FRAS1: variants seen among roughly 807,000 people sequenced by gnomAD.
The protein encoded by FRAS1 is extracellular matrix organizing protein FRAS1.
Under a neutral mutation model 435.2 loss-of-function variants are expected in FRAS1, and 290 were observed. That is an observed-to-expected ratio of 0.67 (90% confidence interval 0.61 to 0.73). FRAS1 has a LOEUF of 0.73. Among genes scored for constraint, FRAS1 ranks in the 30% least tolerant of loss-of-function variants. The pLI is 0.00. For missense variants in FRAS1, 4,860 were observed against 5,001.5 expected, an observed-to-expected ratio of 0.97 and a Z score of 0.85; for synonymous variants, 1,800 against 1,851.0, an observed-to-expected ratio of 0.97 and a Z score of 0.71.
intron 2 of FRAS1, among the ~76,000 whole-genome samples, chr4:78,174,576 C>T (rs1052592164): frequency 6.6e-6 from 1 of 152,246 alleles, no homozygotes. Flanking sequence ...TGCACTCACT[C>T]AGCTCTCTCA....
intron 71 of FRAS1, among the ~76,000 whole-genome samples, chr4:78,536,724 C>T (rs1318408485): frequency 6.6e-6 from 1 of 152,088 alleles, no homozygotes; most frequent in Non-Finnish European, 1.5e-5. Context: ...TAACAGAATA[C>T]TTTGCTTCCC....
chr4:78,386,331 A>G (rs1473156188), intron 28 of FRAS1, among the ~76,000 whole-genome samples: 1 of 152,036 alleles, frequency 6.6e-6, no homozygotes, highest in Non-Finnish European at 1.5e-5. Flanking sequence ...CCATTTGTGA[A>G]TTTTGACATC....
At position 78,181,829 on chromosome 4, in the gene FRAS1, T is replaced by C. The variant is rs1722017835; in HGVS notation, c.109-55681T>C. The C allele has an allele frequency of 2.5e-6, 4 of 1,611,986 alleles. No individual in the cohort carries two copies. In the Admixed American group the frequency reaches 5.0e-5, roughly 20 times the overall value. ...CGGGTTCTTGCGGTCTTTCTGGGACTCCTTGCGCAGCTGTTTGCCTGCCGC... is the reference window on the plus strand; with the variant it reads ...CGGGTTCTTGCGGTCTTTCTGGGACCCCTTGCGCAGCTGTTTGCCTGCCGC... On this transcript the variant is annotated intron_variant, in intron 2 of 73. Transcript: ENST00000512123.
chr4:78,254,145 A>T (rs1725680926), intron 5 of FRAS1, among the ~76,000 whole-genome samples: 1 of 151,968 alleles, frequency 6.6e-6, no homozygotes, highest in African/African-American at 2.4e-5. Context: ...GCTTGTTCCC[A>T]TACTCTTTTT....
chr4:78,215,848 A>G, intron 2 of FRAS1, among the ~76,000 whole-genome samples: 1 of 152,202 alleles, frequency 6.6e-6, no homozygotes, highest in African/African-American at 2.4e-5. Context: ...TTATCCATTC[A>G]TCTGTCGACA....
chr4:78,087,008 C>G (rs62307981), intron 2 of FRAS1, among the ~76,000 whole-genome samples: 1 of 152,114 alleles, frequency 6.6e-6, no homozygotes. Context: ...TGATGAACAT[C>G]GAAGCAAAAA....
At chr4:78,328,994 T>C (rs1438828792) in intron 18 of FRAS1, among the ~76,000 whole-genome samples, 2 of 152,112 alleles carry the variant, frequency 1.3e-5, no homozygotes, top group Non-Finnish European at 2.9e-5. Context: ...ACCCAGAACT[T>C]TGGAAATTGG....
At chr4:78,367,404 G>C (rs1319625912) in intron 22 of FRAS1, among the ~76,000 whole-genome samples, 2 of 119,136 alleles carry the variant, frequency 1.7e-5, no homozygotes, top group East Asian at 5.6e-4. Flanking sequence ...AGTGAGAACT[G>C]TCTCAAAAAA....
chr4:78,231,240 C>T (rs533668173), intron 2 of FRAS1, among the ~76,000 whole-genome samples: 9 of 151,940 alleles, frequency 5.9e-5, no homozygotes, highest in Admixed American at 3.3e-4. Context: ...CAGGCGTGAG[C>T]CACTGTGCCT....
chr4:78,434,015 G>C (rs1202193923), intron 38 of FRAS1, among the ~76,000 whole-genome samples: 1 of 152,182 alleles, frequency 6.6e-6, no homozygotes, highest in African/African-American at 2.4e-5. Flanking sequence ...ACTTAGGTAG[G>C]TTATACACTA....
intron 9 of FRAS1, among the ~76,000 whole-genome samples, chr4:78,272,516 A>C (rs924325912): frequency 5.3e-5 from 8 of 152,234 alleles, no homozygotes; most frequent in Admixed American, 1.3e-4. Context: ...ATCCAGTTTC[A>C]GCCTTCTACA....
At chr4:78,418,904 G>GT in intron 32 of FRAS1, 45 bp from the exon 33 acceptor site, 1 of 1,233,148 alleles carries the variant, frequency 8.1e-7, no homozygotes, top group Non-Finnish European at 1.2e-6. Context: ...TCTGGCTTTT[G>GT]TTTTTCATAC....
At chr4:78,491,879 G>A (rs919615152) in intron 59 of FRAS1, among the ~76,000 whole-genome samples, 2 of 152,166 alleles carry the variant, frequency 1.3e-5, no homozygotes, top group Admixed American at 6.5e-5. Flanking sequence ...GTTTGCAGAT[G>A]ACATAATTGT....
At chr4:78,283,047 C>T in intron 12 of FRAS1, 80 bp downstream of exon 12, 3 of 1,105,650 alleles carry the variant, frequency 2.7e-6, no homozygotes, top group Non-Finnish European at 3.6e-6. Context: ...CACCCCCTTG[C>T]TTCTTTTCAT....
At chr4:78,171,641 G>A (rs17003015) in intron 2 of FRAS1, among the ~76,000 whole-genome samples, 3,404 of 152,172 alleles carry the variant, frequency 0.022, 120 homozygotes, top group African/African-American at 0.078. Flanking sequence ...GGCTGGGGCC[G>A]CCACCATCCT....
chr4:78,104,096 A>C (rs1315536031), intron 2 of FRAS1, among the ~76,000 whole-genome samples: 1 of 152,184 alleles, frequency 6.6e-6, no homozygotes, highest in Non-Finnish European at 1.5e-5. Context: ...CGAAACTGTG[A>C]CTGTTTTATT....
chr4:78,290,315 G>A (rs1402948084), intron 14 of FRAS1, among the ~76,000 whole-genome samples: 1 of 152,170 alleles, frequency 6.6e-6, no homozygotes, highest in Admixed American at 6.5e-5. Context: ...CCTGAGGATA[G>A]AGCCATGTGT....
chr4:78,209,356 G>A (rs1049782302), intron 2 of FRAS1, among the ~76,000 whole-genome samples: 3 of 152,152 alleles, frequency 2.0e-5, no homozygotes, highest in African/African-American at 7.2e-5. Context: ...CTGGCTTCCT[G>A]TTGGGTGTAA....
At chr4:78,074,454 G>A (rs1041281026) in intron 2 of FRAS1, among the ~76,000 whole-genome samples, 1 of 152,122 alleles carries the variant, frequency 6.6e-6, no homozygotes, top group African/African-American at 2.4e-5. Context: ...GATCCAACTG[G>A]ATTCCAAAGA....
Sources: gnomAD v4.1 joint callset for allele counts (sites outside exome capture counted in the v4.1 genomes callset) on GRCh38, gnomAD v4.1.1 for gene constraint, MANE v1.5 for transcripts, NCBI Gene and HGNC (gene_info 2026-07-23, HGNC 2026-07-21) for gene names.